Variants in CSPP1 observed in about 807,000 individuals in gnomAD.
CSPP1 encodes the protein centrosome and spindle pole associated protein 1.
Under a neutral mutation model 164.4 loss-of-function variants are expected in CSPP1, and 126 were observed. The observed-to-expected ratio is 0.77, with a 90% CI of 0.66 to 0.89. The LOEUF is 0.89. Among genes scored for constraint, CSPP1 ranks in the 40% least tolerant of loss-of-function variants. The pLI, the probability that CSPP1 is intolerant of heterozygous loss-of-function variation, is 0.00. For synonymous variants in CSPP1, 472 were observed against 476.7 expected (o/e 0.99, Z 0.13); for missense variants, 1,395 against 1,449.8 (o/e 0.96, Z 0.61).
Position 67,144,606 on chromosome 8 carries a change from A to T in CSPP1, c.1976-5177A>T, listed in dbSNP as rs1824125429. On this transcript the variant is annotated intron_variant, in intron 17 of 30. Coordinates refer to ENST00000678616, the MANE Select transcript of CSPP1 (RefSeq NM_001382391.1). ...AGTCATGTACCACCATACCTGGCTA[A>T]TTTTTTTTATTTTTTGTAGAAACAG... Among the ~76,000 whole-genome samples, 5 of 151,904 alleles carry T rather than the reference A, an allele frequency of 3.3e-5. No individual in the cohort carries two copies. The South Asian group carries it at 1.0e-3, about 32-fold the overall frequency.
chr8:67,072,033 A>G (rs939440635), intron 1 of CSPP1, among the ~76,000 whole-genome samples: 1 of 152,236 alleles, frequency 6.6e-6, no homozygotes, highest in Non-Finnish European at 1.5e-5. Flanking sequence ...CTGTGATCTC[A>G]GCACTTTGGG....
At chr8:67,112,215 G>A (rs1816996377) in intron 10 of CSPP1, 150 bp downstream of exon 10, 1 of 341,222 alleles carries the variant, frequency 2.9e-6, no homozygotes, top group Non-Finnish European at 5.4e-6. Flanking sequence ...AATCAACAAG[G>A]AAAATAAATA....
intron 13 of CSPP1, among the ~76,000 whole-genome samples, chr8:67,117,540 T>A (rs1818185011): frequency 6.6e-6 from 1 of 152,222 alleles, no homozygotes; most frequent in Non-Finnish European, 1.5e-5. Context: ...GTAGAGGTTT[T>A]TAGAAGTTTT....
chr8:67,181,074 G>T (rs1388487364), intron 28 of CSPP1, among the ~76,000 whole-genome samples: 3 of 151,578 alleles, frequency 2.0e-5, no homozygotes, highest in Non-Finnish European at 4.4e-5. Flanking sequence ...GTCTTGCTCT[G>T]TCGCCCAGGC....
At chr8:67,147,735 A>T (rs1352095617) in intron 17 of CSPP1, among the ~76,000 whole-genome samples, 1 of 151,670 alleles carries the variant, frequency 6.6e-6, no homozygotes, top group Non-Finnish European at 1.5e-5. Context: ...GATGTGCATT[A>T]TGAACTAGAG....
Position 67,104,967 on chromosome 8 carries a change from T to TATATA in CSPP1, c.1023-938_1023-937insATATA, listed in dbSNP as rs61548979. Among the ~76,000 whole-genome samples, 177 of 87,486 alleles carry TATATA rather than the reference T, an allele frequency of 2.0e-3. 1 individual carries two copies. Among genetic ancestry groups the TATATA allele is most frequent in the African/African-American group, 0.01 (170 of 16,290 alleles). 57.4% of individuals were successfully genotyped at this position (87,486 alleles called of 152,430 possible). On this transcript the variant is annotated intron_variant, in intron 8 of 30. Coordinates refer to ENST00000678616, the MANE Select transcript of CSPP1 (RefSeq NM_001382391.1). ...ACATGCACATATATATATATATATATTTTTTTTTTTTTTTTTTTTTTTTTT... is the reference window on the plus strand; with the variant it reads ...ACATGCACATATATATATATATATATATATATTTTTTTTTTTTTTTTTTTTTTTTT...
chr8:67,195,497 A>G lies in CSPP1; in HGVS notation c.3585A>G (p.Lys1195=), dbSNP rs774627165. 1 of 1,614,198 alleles carries G rather than the reference A, an allele frequency of 6.2e-7. No homozygotes were observed. Among genetic ancestry groups the G allele is most frequent in the East Asian group, 2.2e-5 (1 of 44,884 alleles). Residue 1195 remains lysine, a synonymous_variant, in exon 31 of 31, where the codon AAA becomes AAG. Coordinates refer to ENST00000678616, the MANE Select transcript of CSPP1 (RefSeq NM_001382391.1). ...WLRPGTSETL[K]RFMAEQLNQE... ...GCCCTGGCACTTCAGAAACGCTGAA[A>G]CGTTTCATGGCAGAGCAGCTGAACC...
chr8:67,141,997 G>T (rs889299383), intron 17 of CSPP1, among the ~76,000 whole-genome samples: 3 of 152,044 alleles, frequency 2.0e-5, no homozygotes, highest in Non-Finnish European at 4.4e-5. Flanking sequence ...TAATAAAATT[G>T]AATCTTAACA....
intron 15 of CSPP1, among the ~76,000 whole-genome samples, chr8:67,131,101 ATG>A (rs1470619912): frequency 6.6e-6 from 1 of 152,034 alleles, no homozygotes; most frequent in Non-Finnish European, 1.5e-5. Context: ...GTACTTAAAC[ATG>A]TGTTATGTTG....
intron 26 of CSPP1, among the ~76,000 whole-genome samples, chr8:67,177,406 G>A (rs1831959776): frequency 6.6e-6 from 1 of 152,104 alleles, no homozygotes; most frequent in East Asian, 1.9e-4. Flanking sequence ...GAAGGATCCT[G>A]CATTGATCAT....
chr8:67,175,487 G>T (rs146234559), intron 26 of CSPP1, 51 bp downstream of exon 26: 5 of 1,602,260 alleles, frequency 3.1e-6, no homozygotes, highest in Middle Eastern at 1.7e-4. Context: ...CTGTTTTTCC[G>T]TAGGCTTTCT....
chr8:67,106,665 CTG>C (rs1815603880), intron 9 of CSPP1, among the ~76,000 whole-genome samples: 1 of 152,036 alleles, frequency 6.6e-6, no homozygotes, highest in South Asian at 2.1e-4. Context: ...ATACCAGAAA[CTG>C]TGAGGAGAGA....
intron 24 of CSPP1, among the ~76,000 whole-genome samples, chr8:67,169,021 A>AG (rs1242854319): frequency 6.6e-6 from 1 of 152,110 alleles, no homozygotes; most frequent in Non-Finnish European, 1.5e-5. Context: ...CCCCTGCAAA[A>AG]GGGAAACTCC....
chr8:67,104,561 C>CT (rs1450000227), intron 8 of CSPP1, among the ~76,000 whole-genome samples: 1 of 151,318 alleles, frequency 6.6e-6, no homozygotes, highest in Non-Finnish European at 1.5e-5. Flanking sequence ...TAGGGATGAT[C>CT]TTTTCTAAGT....
At chr8:67,155,102 A>C (rs1489940692) in intron 19 of CSPP1, among the ~76,000 whole-genome samples, 1 of 152,228 alleles carries the variant, frequency 6.6e-6, no homozygotes, top group Non-Finnish European at 1.5e-5. Flanking sequence ...TTTATGAAGC[A>C]AACAGACTTA....
At chr8:67,077,044 G>A (rs1808073192) in intron 3 of CSPP1, among the ~76,000 whole-genome samples, 1 of 152,134 alleles carries the variant, frequency 6.6e-6, no homozygotes, top group East Asian at 1.9e-4. Flanking sequence ...CTAATGCTTT[G>A]ATTATGGTAT....
chr8:67,076,970 G>C (rs1330270469), intron 3 of CSPP1, among the ~76,000 whole-genome samples: 1 of 152,146 alleles, frequency 6.6e-6, no homozygotes, highest in Non-Finnish European at 1.5e-5. Flanking sequence ...GCTGTTTGGT[G>C]AAAGACTATT....
intron 7 of CSPP1, among the ~76,000 whole-genome samples, chr8:67,101,629 G>A (rs986621989): frequency 2.0e-5 from 3 of 152,156 alleles, no homozygotes; most frequent in Non-Finnish European, 4.4e-5. Context: ...AGCCATTCAT[G>A]CGTTATGCCA....
intron 25 of CSPP1, chr8:67,174,795 C>T (rs1831223288): frequency 6.5e-6 from 1 of 153,488 alleles, no homozygotes; most frequent in African/African-American, 2.4e-5. Flanking sequence ...AATGGCATTC[C>T]CCCTCAAGTT....
Sources: gnomAD v4.1 joint callset for allele counts (sites outside exome capture counted in the v4.1 genomes callset) on GRCh38, gnomAD v4.1.1 for gene constraint, MANE v1.5 for transcripts, NCBI Gene and HGNC (gene_info 2026-07-23, HGNC 2026-07-21) for gene names.